The following COCH variants were observed in gnomAD, a reference collection of about 807,000 sequenced individuals.
COCH encodes the protein coagulation factor C homolog, cochlin (Limulus polyphemus).
A neutral mutation model predicts 54.8 loss-of-function variants in COCH; 40 were observed. That is an observed-to-expected ratio of 0.73 (90% CI 0.57 to 0.95). The LOEUF is 0.95. COCH is among the 40% of genes least tolerant of loss of function. COCH has a pLI of 0.00. For missense variants in COCH, 605 were observed against 675.0 expected, an observed-to-expected ratio of 0.90 and a Z score of 1.15; for synonymous variants, 256 against 237.9, an observed-to-expected ratio of 1.08 and a Z score of -0.70.
At chr14:30,892,903 C>A (rs1896020555), downstream of COCH, among the ~76,000 whole-genome samples, 1 of 151,966 alleles carries the variant, frequency 6.6e-6, no homozygotes, top group Non-Finnish European at 1.5e-5. Context: ...GACAAAATTT[C>A]TCAGTGTACA....
chr14:30,880,103 G>T (rs1895518493), intron 6 of COCH, among the ~76,000 whole-genome samples: 1 of 152,182 alleles, frequency 6.6e-6, no homozygotes, highest in African/African-American at 2.4e-5. Context: ...TAAAAGGAAT[G>T]TGTGTCTATT....
downstream of COCH, among the ~76,000 whole-genome samples, chr14:30,893,584 G>GT (rs1896049899): frequency 6.6e-6 from 1 of 152,182 alleles, no homozygotes; most frequent in South Asian, 2.1e-4. Flanking sequence ...ATTTAATAAT[G>GT]TAACAGGATG....
chr14:30,884,671 A>T lies in COCH; in HGVS notation c.733+15A>T, dbSNP rs991230362. 1 of 1,533,934 alleles carries T rather than the reference A, an allele frequency of 6.5e-7. No homozygotes were observed. Among genetic ancestry groups the T allele is most frequent in the Non-Finnish European group, 9.0e-7 (1 of 1,107,110 alleles). On this transcript the variant is annotated intron_variant, in intron 9 of 11. Transcript: ENST00000396618. ...TTCCAATACAGGTAAGTAGACTTTG[A>T]TACCTGGGATGTAACATAGGAGAGG... is the stretch of plus-strand genomic sequence containing the variant.
At chr14:30,879,035 G>C in intron 5 of COCH, 91 bp downstream of exon 5, 1 of 1,533,714 alleles carries the variant, frequency 6.5e-7, no homozygotes, top group Non-Finnish European at 9.0e-7. Flanking sequence ...AACCTTGATG[G>C]AAAAACCTGT....
At chr14:30,885,238 A>G (rs1016837012) in intron 9 of COCH, 156 bp from the exon 10 acceptor site, 36 of 925,470 alleles carry the variant, frequency 3.9e-5, no homozygotes, top group South Asian at 3.6e-4. Flanking sequence ...CATCTGTTAC[A>G]GAACTGGGTT....
At chr14:30,881,802 C>CAAA (rs74318936) in intron 8 of COCH, among the ~76,000 whole-genome samples, 7 of 144,682 alleles carry the variant, frequency 4.8e-5, no homozygotes, top group African/African-American at 1.8e-4. Context: ...ACTAAAAATA[C>CAAA]AAAAAAAAAA....
At position 30,878,863 on chromosome 14, in the gene COCH, C is replaced by A; in HGVS notation, c.292C>A (p.Arg98=). 1 of 1,614,162 alleles carries A rather than the reference C, an allele frequency of 6.2e-7. No homozygotes were observed. The highest frequency in any genetic ancestry group is 2.2e-5 in the East Asian group (1 of 44,886). ...GPVRVYSLPG[R]ENYSSVDANG... is the part of the protein sequence containing the mutation. ...TGTACGAGTCTATAGCCTACCTGGT[C>A]GAGAAAACTATTCCTCAGTAGATGC... Residue 98 remains arginine (R), a synonymous_variant, in exon 5 of 12, where the codon CGA becomes AGA. Transcript: ENST00000396618.
intron 6 of COCH, among the ~76,000 whole-genome samples, chr14:30,880,130 G>T (rs1218931032): frequency 6.6e-6 from 1 of 152,164 alleles, no homozygotes; most frequent in East Asian, 1.9e-4. Flanking sequence ...AATAGCCAGG[G>T]ATCCCCTTTT....
intron 4 of COCH, among the ~76,000 whole-genome samples, 168 bp from the exon 5 acceptor site, chr14:30,878,643 C>T (rs1053012618): frequency 3.3e-5 from 5 of 152,058 alleles, no homozygotes; most frequent in East Asian, 1.9e-4. Context: ...GGCTACAGAG[C>T]GAGACGCCAT....
downstream of COCH, among the ~76,000 whole-genome samples, chr14:30,891,433 T>G (rs1594394092): frequency 6.6e-6 from 1 of 152,200 alleles, no homozygotes; most frequent in East Asian, 1.9e-4. Context: ...TTTTATACCC[T>G]GCATAAGAGG....
Position 30,885,558 on chromosome 14 carries a change from T to G in COCH, c.898T>G (p.Ser300Ala), listed in dbSNP as rs749336302. The G allele has an allele frequency of 6.2e-7, 1 of 1,613,612 alleles. No individual in the cohort carries two copies. Among genetic ancestry groups the G allele is most frequent in the East Asian group, 2.2e-5 (1 of 44,884 alleles). ...GTTTGGTGTCAATGTATTTATAGTT[T>G]CTGTGGCCAAGCCTATCCCTGAAGA... ...REFGVNVFIV[S>A]VAKPIPEELG... The change falls in exon 10 of 12, where the codon TCT becomes GCT. Residue 300 changes from serine to alanine, a missense_variant. Transcript: ENST00000396618.
chr14:30,881,588 T>C (rs889443792), intron 8 of COCH, among the ~76,000 whole-genome samples: 4 of 152,222 alleles, frequency 2.6e-5, no homozygotes, highest in Non-Finnish European at 4.4e-5. Context: ...TATTCTGTTA[T>C]TCTTTTTAGC....
At chr14:30,882,546 A>T (rs184635675) in intron 8 of COCH, among the ~76,000 whole-genome samples, 8,574 of 152,134 alleles carry the variant, frequency 0.056, 402 homozygotes, top group East Asian at 0.26. Flanking sequence ...TTCTCATATC[A>T]CAAATATTCA....
chr14:30,884,153 G>C (rs759388762), intron 8 of COCH, among the ~76,000 whole-genome samples: 3 of 152,176 alleles, frequency 2.0e-5, no homozygotes, highest in Admixed American at 1.3e-4. Context: ...TCTCCGTATA[G>C]TTTAGGCATG....
downstream of COCH, chr14:30,894,904 T>TC (rs1896088653): frequency 9.3e-7 from 1 of 1,072,798 alleles, no homozygotes; most frequent in African/African-American, 1.7e-5. Context: ...TTTTTTTTTT[T>TC]TTTTAAAGCA....
downstream of COCH, chr14:30,895,185 C>A (rs1896109046): frequency 1.9e-6 from 1 of 523,500 alleles, no homozygotes; most frequent in Non-Finnish European, 3.3e-6. Context: ...CCAGTACAGG[C>A]CACAAATACT....
chr14:30,895,469 G>A (rs1303181237), downstream of COCH: 4 of 1,613,980 alleles, frequency 2.5e-6, no homozygotes, highest in Non-Finnish European at 3.4e-6. Context: ...TGCTTTTGAC[G>A]AGTGGAAAGC....
chr14:30,895,371 T>C, downstream of COCH: 1 of 1,558,246 alleles, frequency 6.4e-7, no homozygotes, highest in South Asian at 1.2e-5. Context: ...ACCCTCTTTC[T>C]GTCCAAGCAA....
chr14:30,885,845 T>C lies in COCH; in HGVS notation c.1010T>C (p.Phe337Ser). ...TTCTCTTACCACATGCCCAACTGGT[T>C]TGGCACCACAAAATACGTAAAGCCT... ...GFFSYHMPNWFGTTKYVKPLV... is the reference protein window; with the variant it reads ...GFFSYHMPNWSGTTKYVKPLV... The change falls in exon 11 of 12, where the codon TTT (phenylalanine) becomes TCT (serine). Residue 337 changes from phenylalanine to serine, a missense_variant. Coordinates refer to ENST00000396618, the MANE Select transcript of COCH (RefSeq NM_004086.3). The C allele has an allele frequency of 6.2e-7, 1 of 1,614,194 alleles. No homozygotes were observed. Among genetic ancestry groups the C allele is most frequent in the Non-Finnish European group, 8.5e-7 (1 of 1,180,024 alleles).
Sources: gnomAD v4.1 joint callset for allele counts (sites outside exome capture counted in the v4.1 genomes callset) on GRCh38, gnomAD v4.1.1 for gene constraint, MANE v1.5 for transcripts, NCBI Gene and HGNC (gene_info 2026-07-23, HGNC 2026-07-21) for gene names.